Variants in ZNF407 observed in about 807,000 individuals in gnomAD.
ZNF407 encodes the protein zinc finger protein 407.
In ZNF407, 17 loss-of-function variants were observed where a neutral mutation model predicts 131.2. That is an observed-to-expected ratio of 0.13 (90% CI 0.09 to 0.19). ZNF407 has a LOEUF of 0.19. Among genes scored for constraint, ZNF407 ranks in the 10% least tolerant of loss-of-function variants. The pLI, the probability that ZNF407 is intolerant of heterozygous loss-of-function variation, is 1.00. For synonymous variants in ZNF407, 1,156 were observed against 1,062.0 expected (o/e 1.09, Z -1.72); for missense variants, 2,681 against 2,830.6 (o/e 0.95, Z 1.20).
chr18:74,856,782 C>T (rs1203599970), intron 4 of ZNF407, among the ~76,000 whole-genome samples: 1 of 152,156 alleles, frequency 6.6e-6, no homozygotes, highest in African/African-American at 2.4e-5. Flanking sequence ...GCAGTTTGTA[C>T]TATATAATAA....
At chr18:74,826,941 G>A (rs1432506069) in intron 4 of ZNF407, among the ~76,000 whole-genome samples, 1 of 152,204 alleles carries the variant, frequency 6.6e-6, no homozygotes, top group Non-Finnish European at 1.5e-5. Flanking sequence ...GAAAAGTTGT[G>A]AACATCATAC....
In ZNF407 at chr18:75,064,750, G is replaced by A; in HGVS notation, c.*282G>A. ...GTCCACTGGGGGCCCTTCGATCAGT[G>A]GCCTCCCGCTTCGTCCTGGCCGCTG... On this transcript the variant is annotated 3_prime_UTR_variant, in exon 9 of 9. Coordinates refer to ENST00000299687, the MANE Select transcript of ZNF407 (RefSeq NM_017757.3). The A allele has an allele frequency of 2.8e-6, 1 of 355,606 alleles. No homozygotes were observed. The allele number at this position is 355,606 out of a possible 1,614,324, so 22.0% of individuals were successfully genotyped here.
intron 3 of ZNF407, among the ~76,000 whole-genome samples, chr18:74,751,557 G>A (rs1373586572): frequency 6.6e-6 from 1 of 151,196 alleles, no homozygotes; most frequent in African/African-American, 2.4e-5. Flanking sequence ...CATGTGTGAT[G>A]TTCCCCACCC....
intron 8 of ZNF407, among the ~76,000 whole-genome samples, chr18:75,021,347 C>T (rs1057506487): frequency 6.6e-6 from 1 of 152,106 alleles, no homozygotes; most frequent in African/African-American, 2.4e-5. Context: ...TGGCTCATTG[C>T]AGCCTCAAAT....
intron 3 of ZNF407, among the ~76,000 whole-genome samples, chr18:74,678,452 G>A (rs1966903646): frequency 6.6e-6 from 1 of 152,068 alleles, no homozygotes. Flanking sequence ...CCCATTTTCT[G>A]CGCACCTAGG....
intron 3 of ZNF407, among the ~76,000 whole-genome samples, chr18:74,654,724 C>T (rs1355198545): frequency 6.6e-6 from 1 of 151,702 alleles, no homozygotes; most frequent in Non-Finnish European, 1.5e-5. Context: ...TTAAATTTAT[C>T]TTATATGTAA....
chr18:74,801,536 A>G (rs933391263), intron 4 of ZNF407, among the ~76,000 whole-genome samples: 1 of 152,330 alleles, frequency 6.6e-6, no homozygotes, highest in South Asian at 2.1e-4. Flanking sequence ...GGTATATTCA[A>G]TTATATCCTG....
rs189309452 is a variant in ZNF407, at chr18:74,804,022, G to A, written c.4877+22520G>A. On this transcript the variant is annotated intron_variant, in intron 4 of 8. Coordinates refer to ENST00000299687, the MANE Select transcript of ZNF407 (RefSeq NM_017757.3). ...GCCAGGAATACAGAACAACAGGAAC[G>A]CGTCGAGTGCCTCTGAAGCCCAAAG... is the stretch of plus-strand genomic sequence containing the variant. 231 of 1,551,710 alleles carry A rather than the reference G, an allele frequency of 1.5e-4. No individual in the cohort carries two copies. In the African/African-American group the frequency reaches 2.7e-3, roughly 18 times the overall value.
intron 4 of ZNF407, among the ~76,000 whole-genome samples, chr18:74,792,584 T>G (rs138249360): frequency 3.3e-5 from 5 of 151,804 alleles, no homozygotes; most frequent in Admixed American, 3.3e-4. Context: ...TTAGGAGAAA[T>G]TTTAATTAAT....
chr18:74,806,508 C>T (rs188493575), intron 4 of ZNF407, among the ~76,000 whole-genome samples: 3 of 152,298 alleles, frequency 2.0e-5, no homozygotes, highest in African/African-American at 4.8e-5. Flanking sequence ...TTTTGACTCT[C>T]AGAGCCTTAG....
chr18:75,059,501 A>C (rs1973599876), intron 8 of ZNF407, among the ~76,000 whole-genome samples: 1 of 152,144 alleles, frequency 6.6e-6, no homozygotes. Context: ...ATTCTGAATT[A>C]GACTAAAAAT....
chr18:74,714,230 A>G (rs1388417513), intron 3 of ZNF407, among the ~76,000 whole-genome samples: 2 of 152,218 alleles, frequency 1.3e-5, no homozygotes, highest in African/African-American at 4.8e-5. Context: ...TAATTGCAAA[A>G]ATTAACTTGT....
At chr18:74,791,287 T>A (rs1050306106) in intron 4 of ZNF407, among the ~76,000 whole-genome samples, 1 of 152,222 alleles carries the variant, frequency 6.6e-6, no homozygotes, top group African/African-American at 2.4e-5. Flanking sequence ...CAGTCAAATA[T>A]TGTTAATTTC....
At chr18:74,806,707 A>G (rs1280700059) in intron 4 of ZNF407, among the ~76,000 whole-genome samples, 3 of 152,182 alleles carry the variant, frequency 2.0e-5, no homozygotes, top group Non-Finnish European at 2.9e-5. Flanking sequence ...AACTGATGCA[A>G]TTTGTCCGAG....
At chr18:74,891,055 T>TA (rs1375837890) in intron 7 of ZNF407, among the ~76,000 whole-genome samples, 1 of 152,172 alleles carries the variant, frequency 6.6e-6, no homozygotes, top group East Asian at 1.9e-4. Flanking sequence ...GAGTGTGAGA[T>TA]AGACTCAGGC....
intron 8 of ZNF407, among the ~76,000 whole-genome samples, chr18:74,962,155 CTA>C (rs1972353092): frequency 6.6e-6 from 1 of 152,120 alleles, no homozygotes; most frequent in South Asian, 2.1e-4. Context: ...TTGCTCATCA[CTA>C]TCTGTATCCT....
chr18:75,042,917 C>T (rs1018940294), intron 8 of ZNF407, among the ~76,000 whole-genome samples: 15 of 152,186 alleles, frequency 9.9e-5, no homozygotes, highest in Admixed American at 3.9e-4. Context: ...CCGTCGCATG[C>T]GTGTACCAGT....
intron 8 of ZNF407, among the ~76,000 whole-genome samples, chr18:74,992,787 A>G (rs1349377143): frequency 6.6e-6 from 1 of 152,258 alleles, no homozygotes; most frequent in African/African-American, 2.4e-5. Context: ...AAGAGTGAAC[A>G]TTCTCACTTC....
chr18:74,601,191 A>T (rs1294757885), intron 1 of ZNF407, among the ~76,000 whole-genome samples: 2 of 152,104 alleles, frequency 1.3e-5, no homozygotes, highest in African/African-American at 2.4e-5. Flanking sequence ...CCCCAGTAAG[A>T]TACTTCAGTG....
Sources: gnomAD v4.1 joint callset for allele counts (sites outside exome capture counted in the v4.1 genomes callset) on GRCh38, gnomAD v4.1.1 for gene constraint, MANE v1.5 for transcripts, NCBI Gene and HGNC (gene_info 2026-07-23, HGNC 2026-07-21) for gene names.